The following NECAP2 variants were observed in gnomAD, a reference collection of about 807,000 sequenced individuals.
NECAP2 encodes adaptin ear-binding coat-associated protein 2.
In NECAP2, 38 loss-of-function variants were observed where a neutral mutation model predicts 37.8. That is an observed-to-expected ratio of 1.01 (90% CI 0.78 to 1.32). NECAP2 has a LOEUF of 1.32. Among genes scored for constraint, NECAP2 ranks in the 40% most tolerant of loss-of-function variants. The pLI is 0.00. For synonymous variants in NECAP2, 121 were observed against 127.7 expected, an observed-to-expected ratio of 0.95 and a Z score of 0.35; for missense variants, 316 against 334.5, an observed-to-expected ratio of 0.94 and a Z score of 0.43.
chr1:16,440,894 C>T (rs556007601), intron 1 of NECAP2, 41 bp downstream of exon 1: 2 of 1,548,506 alleles, frequency 1.3e-6, no homozygotes, highest in East Asian at 4.5e-5. Flanking sequence ...CCAATTTAAC[C>T]CTTTCTCCGC....
chr1:16,447,646 C>G (rs971289547), intron 2 of NECAP2, among the ~76,000 whole-genome samples: 5 of 152,190 alleles, frequency 3.3e-5, no homozygotes, highest in Admixed American at 3.3e-4. Context: ...AAACTGTGAG[C>G]TAAATTTGAC....
At chr1:16,453,978 T>C (rs906728807) in intron 6 of NECAP2, among the ~76,000 whole-genome samples, 10 of 152,334 alleles carry the variant, frequency 6.6e-5, no homozygotes, top group African/African-American at 2.4e-4. Context: ...AATATCAACA[T>C]TTATGAAGCA....
At position 16,449,124 on chromosome 1, in the gene NECAP2, C is replaced by T. The variant is rs1161392427; in HGVS notation, c.412C>T (p.Gln138Ter). 6.2e-7 allele frequency: 1 copy of T among 1,613,406 alleles called. No individual in the cohort carries two copies. Among genetic ancestry groups the T allele is most frequent in the Admixed American group, 1.7e-5 (1 of 59,880 alleles). Residue 138 changes from glutamine (Q) to a stop codon, truncating the protein, a stop_gained, in exon 5 of 8, where the codon CAA becomes TAA. Transcript: ENST00000337132. LOFTEE classifies it high-confidence loss of function. ...GAAACAGCAGTGTGAATTTGCAAAA[C>T]AAGCCCAGAACCCAGACCAAGGCCC... is the stretch of plus-strand genomic sequence containing the variant. Reference protein sequence around the residue: ...WVKQQCEFAKQAQNPDQGPKL... With the variant: ...WVKQQCEFAK
intron 1 of NECAP2, 116 bp from the exon 2 acceptor site, chr1:16,443,516 T>G (rs1175860045): frequency 5.2e-6 from 4 of 768,874 alleles, no homozygotes; most frequent in Non-Finnish European, 8.8e-6. Flanking sequence ...TGTCTGACTC[T>G]TTACAGAAAA....
At chr1:16,451,697 A>C in intron 5 of NECAP2, 141 bp from the exon 6 acceptor site, 1 of 761,668 alleles carries the variant, frequency 1.3e-6, no homozygotes, top group South Asian at 1.6e-5. Flanking sequence ...AGCTCATAGC[A>C]ATGGAGGTGC....
chr1:16,453,728 C>CTGCCCGCCTCAG (rs2086878969), intron 6 of NECAP2, among the ~76,000 whole-genome samples: 1 of 152,106 alleles, frequency 6.6e-6, no homozygotes, highest in Non-Finnish European at 1.5e-5. Flanking sequence ...ACCTCGTGAT[C>CTGCCCGCCTCAG]TGCCCGCCTC....
chr1:16,445,207 C>T (rs12031058), intron 2 of NECAP2, among the ~76,000 whole-genome samples: 1 of 152,200 alleles, frequency 6.6e-6, no homozygotes, highest in African/African-American at 2.4e-5. Flanking sequence ...CCAAGGTGCT[C>T]TTAGCTCAAG....
At chr1:16,449,894 A>T (rs1337328333) in intron 5 of NECAP2, 3 of 239,736 alleles carry the variant, frequency 1.3e-5, no homozygotes, top group African/African-American at 7.0e-5. Flanking sequence ...TGGGTTGCCT[A>T]AAGTTGGCCT....
Position 16,445,373 on chromosome 1 carries a change from A to G in NECAP2, c.193+1641A>G, listed in dbSNP as rs989056844. Among the ~76,000 whole-genome samples the G allele has an allele frequency of 7.2e-5, 11 of 152,240 alleles. 1 individual carries two copies. The South Asian group carries it at 1.0e-3, about 14-fold the overall frequency. On this transcript the variant is annotated intron_variant, in intron 2 of 7. Transcript: ENST00000337132. ...GAGCCCAGTGAGGACATTTCACAGC[A>G]TTCTTGGCCTATGTCTAGCAGATGC...
intron 2 of NECAP2, among the ~76,000 whole-genome samples, chr1:16,446,365 G>C (rs1327983240): frequency 6.6e-6 from 1 of 152,060 alleles, no homozygotes; most frequent in Non-Finnish European, 1.5e-5. Flanking sequence ...CCAGGAGTTA[G>C]AGACCAGCCT....
Position 16,459,493 on chromosome 1 carries a change from T to C in NECAP2, c.*603T>C, listed in dbSNP as rs1557695283. 2 of 152,304 alleles carry C rather than the reference T, an allele frequency of 1.3e-5. No individual in the cohort carries two copies. Among genetic ancestry groups the C allele is most frequent in the Non-Finnish European group, 2.9e-5 (2 of 68,086 alleles). 9.4% of individuals were successfully genotyped at this position (152,304 alleles called of 1,614,324 possible). A position where few individuals can be genotyped will look rare whatever the true frequency, so the allele number is the denominator to read the frequency against. On this transcript the variant is annotated 3_prime_UTR_variant, in exon 8 of 8. Transcript: ENST00000337132. ...TAATGTGCTGATCCGCACTAACTCATCTTTGCAAAAGGAACTGCTCCCTCG... is the reference window on the plus strand; with the variant it reads ...TAATGTGCTGATCCGCACTAACTCACCTTTGCAAAAGGAACTGCTCCCTCG...
At position 16,459,717 on chromosome 1, in the gene NECAP2, C is replaced by G. The variant is rs2100209063; in HGVS notation, c.*827C>G. 1 of 152,548 alleles carries G rather than the reference C, an allele frequency of 6.6e-6. No homozygotes were observed. The highest frequency in any genetic ancestry group is 2.1e-4 in the South Asian group (1 of 4,832). 9.4% of individuals were successfully genotyped at this position (152,548 alleles called of 1,614,324 possible). A position where few individuals can be genotyped will look rare whatever the true frequency, so the allele number is the denominator to read the frequency against. ...GAAGGTGGATGCTGTTGTCATGGAGCTGTGGGAGTTGGCACTCTGTCTGCT... is the reference window on the plus strand; with the variant it reads ...GAAGGTGGATGCTGTTGTCATGGAGGTGTGGGAGTTGGCACTCTGTCTGCT... On this transcript the variant is annotated 3_prime_UTR_variant, in exon 8 of 8. Coordinates refer to ENST00000337132, the MANE Select transcript of NECAP2 (RefSeq NM_018090.5).
intron 5 of NECAP2, chr1:16,450,894 G>C (rs2086832553): frequency 2.6e-5 from 4 of 152,232 alleles, no homozygotes; most frequent in Admixed American, 2.6e-4. Context: ...GTTGCAGTGA[G>C]CTGAGATCGA....
chr1:16,440,748 C>T lies in NECAP2; in HGVS notation c.-14C>T, dbSNP rs374689518. On this transcript the variant is annotated 5_prime_UTR_variant, in exon 1 of 8. Coordinates refer to ENST00000337132, the MANE Select transcript of NECAP2 (RefSeq NM_018090.5). ...TGGAAGTCGCCGGAAGTTCGGTGGG[C>T]TCCAGGCGTCGCGATGGAGGAGAGC... The T allele has an allele frequency of 1.4e-5, 22 of 1,611,924 alleles. No homozygotes were observed. Among genetic ancestry groups the T allele is most frequent in the African/African-American group, 2.7e-5 (2 of 74,894 alleles).
intron 6 of NECAP2, among the ~76,000 whole-genome samples, chr1:16,453,722 C>T (rs532093829): frequency 2.8e-4 from 42 of 149,626 alleles, no homozygotes; most frequent in African/African-American, 2.5e-5. Context: ...CTCCTGACCT[C>T]GTGATCTGCC....
chr1:16,456,525 C>G (rs1418825598), intron 7 of NECAP2, among the ~76,000 whole-genome samples: 1 of 152,194 alleles, frequency 6.6e-6, no homozygotes, highest in East Asian at 1.9e-4. Flanking sequence ...CCCCATCCCC[C>G]ACCTTCCCCA....
intron 1 of NECAP2, chr1:16,441,512 A>G (rs1237861139): frequency 6.6e-6 from 1 of 152,202 alleles, no homozygotes; most frequent in Admixed American, 6.5e-5. Flanking sequence ...CTTGGAAGGA[A>G]ACTTCCTTTC....
At chr1:16,443,858 G>T (rs924497233) in intron 2 of NECAP2, 126 bp downstream of exon 2, 1 of 712,702 alleles carries the variant, frequency 1.4e-6, no homozygotes, top group East Asian at 2.7e-5. Flanking sequence ...AGAGACGTGT[G>T]TGTACCTTTA....
intron 6 of NECAP2, among the ~76,000 whole-genome samples, chr1:16,453,261 C>T (rs929888772): frequency 1.3e-5 from 2 of 151,512 alleles, no homozygotes; most frequent in African/African-American, 4.9e-5. Context: ...AGGCATGTGC[C>T]TCCACACCCA....
Sources: gnomAD v4.1 joint callset for allele counts (sites outside exome capture counted in the v4.1 genomes callset) on GRCh38, gnomAD v4.1.1 for gene constraint, MANE v1.5 for transcripts, NCBI Gene and HGNC (gene_info 2026-07-23, HGNC 2026-07-21) for gene names.